SGCZ: variants seen among roughly 807,000 people sequenced by gnomAD.
SGCZ encodes sarcoglycan zeta.
SGCZ carries 40 observed loss-of-function variants against 41.3 expected under a neutral mutation model. The ratio of observed to expected loss-of-function variants is 0.97; its 90% CI spans 0.75 to 1.26. SGCZ has a LOEUF of 1.26. Among genes scored for constraint, SGCZ ranks in the 50% most tolerant of loss-of-function variants. The pLI is 0.00. For missense variants in SGCZ, 552 were observed against 369.8 expected (o/e 1.49, Z -4.04); for synonymous variants, 206 against 137.5 (o/e 1.50, Z -3.49).
intron 4 of SGCZ, among the ~76,000 whole-genome samples, chr8:14,175,371 AAT>A (rs1386045834): frequency 1.3e-5 from 2 of 152,150 alleles, no homozygotes; most frequent in African/African-American, 2.4e-5. Flanking sequence ...ATAGTGGAAA[AAT>A]ATGAGTAGAT....
intron 3 of SGCZ, among the ~76,000 whole-genome samples, chr8:14,244,944 G>C (rs1406051891): frequency 1.3e-5 from 2 of 152,024 alleles, no homozygotes; most frequent in Non-Finnish European, 2.9e-5. Context: ...CATTGATTTT[G>C]TATCCTGAGA....
intron 2 of SGCZ, among the ~76,000 whole-genome samples, chr8:14,339,765 T>G (rs931064996): frequency 6.6e-6 from 1 of 152,104 alleles, no homozygotes; most frequent in African/African-American, 2.4e-5. Context: ...GACGAGTACA[T>G]AGCACATAAG....
At chr8:15,082,624 G>C (rs1022913556) in intron 1 of SGCZ, among the ~76,000 whole-genome samples, 1 of 152,080 alleles carries the variant, frequency 6.6e-6, no homozygotes, top group African/African-American at 2.4e-5. Flanking sequence ...GTCCAGTGCA[G>C]AGGCATGGCA....
chr8:14,098,407 C>CATT (rs1187699446), intron 7 of SGCZ, among the ~76,000 whole-genome samples: 1 of 152,122 alleles, frequency 6.6e-6, no homozygotes, highest in Non-Finnish European at 1.5e-5. Context: ...TGTTGGGTCT[C>CATT]ATTTCTTCTT....
chr8:14,862,262 C>T (rs1375505233), intron 1 of SGCZ, among the ~76,000 whole-genome samples: 1 of 151,764 alleles, frequency 6.6e-6, no homozygotes, highest in Non-Finnish European at 1.5e-5. Flanking sequence ...TTAGTGATTA[C>T]CTACTTCTGA....
At chr8:14,401,278 ATTTAT>A (rs1024453727) in intron 2 of SGCZ, among the ~76,000 whole-genome samples, 14 of 136,198 alleles carry the variant, frequency 1.0e-4, no homozygotes, top group Non-Finnish European at 1.3e-4. Flanking sequence ...TTTTATTTTT[ATTTAT>A]TTTTTTTTCT....
chr8:14,800,540 A>C (rs1801288575), intron 1 of SGCZ, among the ~76,000 whole-genome samples: 1 of 152,102 alleles, frequency 6.6e-6, no homozygotes, highest in South Asian at 2.1e-4. Context: ...GGCCTGGTGG[A>C]AGGTGATTAA....
chr8:14,541,845 C>T (rs147832100), intron 2 of SGCZ, among the ~76,000 whole-genome samples: 20 of 152,102 alleles, frequency 1.3e-4, no homozygotes, highest in Non-Finnish European at 2.8e-4. Flanking sequence ...GAGATGGTAT[C>T]TCATTGTGGT....
chr8:15,113,612 T>C (rs1279877110), intron 1 of SGCZ, among the ~76,000 whole-genome samples: 1 of 152,202 alleles, frequency 6.6e-6, no homozygotes, highest in African/African-American at 2.4e-5. Flanking sequence ...TGAACTACCA[T>C]CGTGAGGTAT....
At chr8:14,443,540 G>T (rs1399529726) in intron 2 of SGCZ, among the ~76,000 whole-genome samples, 4 of 152,134 alleles carry the variant, frequency 2.6e-5, no homozygotes, top group Non-Finnish European at 5.9e-5. Context: ...TGACAAACCT[G>T]AGAAAAACAA....
chr8:14,372,062 G>C (rs1803933397), intron 2 of SGCZ, among the ~76,000 whole-genome samples: 1 of 152,000 alleles, frequency 6.6e-6, no homozygotes, highest in South Asian at 2.1e-4. Context: ...ATAAACTAGA[G>C]AAAATTAATG....
intron 1 of SGCZ, among the ~76,000 whole-genome samples, chr8:14,746,133 C>A (rs774403028): frequency 1.3e-5 from 2 of 151,782 alleles, no homozygotes; most frequent in African/African-American, 4.8e-5. Flanking sequence ...GTACAGCATC[C>A]AACCCACAAG....
At chr8:14,282,305 C>A (rs1445029266) in intron 3 of SGCZ, among the ~76,000 whole-genome samples, 1 of 152,092 alleles carries the variant, frequency 6.6e-6, no homozygotes, top group Admixed American at 6.5e-5. Context: ...TAGATATCTT[C>A]ACTCCACACT....
chr8:14,413,491 T>C (rs2117283516), intron 2 of SGCZ, among the ~76,000 whole-genome samples: 1 of 152,132 alleles, frequency 6.6e-6, no homozygotes, highest in African/African-American at 2.4e-5. Flanking sequence ...TAATGGATCC[T>C]GCTGAGTGCA....
chr8:14,805,820 A>G (rs899278088), intron 1 of SGCZ, among the ~76,000 whole-genome samples: 37 of 151,964 alleles, frequency 2.4e-4, no homozygotes, highest in African/African-American at 8.9e-4. Context: ...AATTGACCAC[A>G]TAGTTGGAAG....
intron 1 of SGCZ, among the ~76,000 whole-genome samples, chr8:14,909,202 C>A (rs1007033573): frequency 6.6e-6 from 1 of 152,226 alleles, no homozygotes; most frequent in South Asian, 2.1e-4. Context: ...TAGCAGAGAC[C>A]AAATTAAAGG....
intron 2 of SGCZ, among the ~76,000 whole-genome samples, chr8:14,522,381 T>C (rs1054656599): frequency 1.3e-5 from 2 of 152,044 alleles, no homozygotes; most frequent in African/African-American, 4.8e-5. Flanking sequence ...CAAGATATTT[T>C]ATTGGTGATA....
chr8:14,668,623 C>A (rs915893067), intron 1 of SGCZ, among the ~76,000 whole-genome samples: 5 of 151,914 alleles, frequency 3.3e-5, no homozygotes, highest in Admixed American at 6.6e-5. Context: ...TTACCTTTGT[C>A]CAAAAGCAAT....
At position 14,164,853 on chromosome 8, in the gene SGCZ, A is replaced by T. The variant is rs531291997; in HGVS notation, c.425-151T>A. ...TCTGAGTTAGTATCTTTAAATTGTC[A>T]CCATTTTCAGGAGGCTAATTTGGGA... On this transcript the variant is annotated intron_variant, in intron 4 of 7. Transcript: ENST00000382080. The T allele has an allele frequency of 3.8e-6, 4 of 1,064,274 alleles. No homozygotes were observed. In the South Asian group the frequency reaches 6.9e-5, roughly 18 times the overall value. 65.9% of individuals were successfully genotyped at this position (1,064,274 alleles called of 1,614,324 possible).
Sources: gnomAD v4.1 joint callset for allele counts (sites outside exome capture counted in the v4.1 genomes callset) on GRCh38, gnomAD v4.1.1 for gene constraint, MANE v1.5 for transcripts, NCBI Gene and HGNC (gene_info 2026-07-23, HGNC 2026-07-21) for gene names.